TRRAP: variants seen among roughly 807,000 people sequenced by gnomAD.
The protein encoded by TRRAP is transformation/transcription domain-associated protein.
Under a neutral mutation model 438.8 loss-of-function variants are expected in TRRAP, and 41 were observed. That is an observed-to-expected ratio of 0.09 (90% CI 0.07 to 0.12). The LOEUF is 0.12. Ranked by LOEUF, TRRAP falls within the 10% of genes least tolerant of loss-of-function variation. The pLI is 1.00. For synonymous variants in TRRAP, 1,994 were observed against 1,962.9 expected (o/e 1.02, Z -0.42); for missense variants, 3,122 against 5,055.1 (o/e 0.62, Z 11.60).
chr7:98,961,204 A>G, intron 45 of TRRAP, 57 bp from the exon 46 acceptor site: 15 of 1,569,288 alleles, frequency 9.6e-6, no homozygotes, highest in Non-Finnish European at 1.2e-5. Flanking sequence ...TGTTTCTAGA[A>G]TTTGTTGTCA....
At position 98,900,624 on chromosome 7, in the gene TRRAP, G is replaced by T; in HGVS notation, c.801G>T (p.Arg267Ser). The change falls in exon 11 of 73, where the codon AGG (arginine) becomes AGT (serine). Residue 267 changes from arginine to serine, a missense_variant and splice_region_variant. Physicochemically the swap from Arg to Ser is moderately radical, Grantham distance 110. This residue lies in a region of TRRAP where 343 missense variants were observed against 564.0 expected (regional missense o/e 0.61). Coordinates refer to ENST00000456197, the MANE Select transcript of TRRAP (RefSeq NM_001375524.1). ...TIAIQVSAQA[R>S]QHKLYNKELY... ...ATATTTTTGTTCTCTTCTTATTCAG[G>T]CAACATAAGCTTTACAACAAGGAGT... 1 of 1,606,588 alleles carries T rather than the reference G, an allele frequency of 6.2e-7. No homozygotes were observed. The highest frequency in any genetic ancestry group is 8.5e-7 in the Non-Finnish European group (1 of 1,178,148).
intron 63 of TRRAP, among the ~76,000 whole-genome samples, chr7:98,989,629 C>T (rs929786108): frequency 6.6e-6 from 1 of 152,230 alleles, no homozygotes; most frequent in Admixed American, 6.5e-5. Context: ...TACACCAGCA[C>T]ATGGCAGTTA....
chr7:98,899,819 T>TA (rs781795722), intron 10 of TRRAP, 52 bp downstream of exon 10: 39 of 1,580,536 alleles, frequency 2.5e-5, no homozygotes, highest in African/African-American at 8.1e-5. Context: ...CAAGTAAAAA[T>TA]ACACTTGCTG....
chr7:98,978,290 C>T lies in TRRAP; in HGVS notation c.8465C>T (p.Pro2822Leu). The T allele has an allele frequency of 6.2e-7, 1 of 1,614,162 alleles. No individual in the cohort carries two copies. The highest frequency in any genetic ancestry group is 8.5e-7 in the Non-Finnish European group (1 of 1,180,030). The change falls in exon 57 of 73, where the codon CCT (proline) becomes CTT (leucine). Residue 2822 changes from proline (P) to leucine (L), a missense_variant. Coordinates refer to ENST00000456197, the MANE Select transcript of TRRAP (RefSeq NM_001375524.1). ...AGTAACGCCTCCCCTGCTATTTTCC[C>T]TGAATACCAGCTCTGGGAAGACCAC... ...ERSNASPAIF[P>L]EYQLWEDHWI...
Position 98,949,503 on chromosome 7 carries a change from G to T in TRRAP, c.4875G>T (p.Gly1625=), listed in dbSNP as rs1562955642. Residue 1625 remains glycine (G), a synonymous_variant, in exon 36 of 73, where the codon GGG becomes GGT. Coordinates refer to ENST00000456197, the MANE Select transcript of TRRAP (RefSeq NM_001375524.1). ...GGTTCATCACCCTGCTGCTGCCGGGGGGTGCCCAGACGGCTGTGCGCCCCG... is the reference window on the plus strand; with the variant it reads ...GGTTCATCACCCTGCTGCTGCCGGGTGGTGCCCAGACGGCTGTGCGCCCCG... ...PNRFITLLLP[G]GAQTAVRPGS... The T allele has an allele frequency of 1.9e-6, 3 of 1,610,812 alleles. No individual in the cohort carries two copies. The highest frequency in any genetic ancestry group is 1.7e-6 in the Non-Finnish European group (2 of 1,178,704).
chr7:99,010,772 C>T (rs1373476181), intron 70 of TRRAP, among the ~76,000 whole-genome samples: 1 of 152,160 alleles, frequency 6.6e-6, no homozygotes, highest in African/African-American at 2.4e-5. Flanking sequence ...AGATATTTAC[C>T]TGCATTCTTG....
Position 98,994,974 on chromosome 7 carries a change from CTG to C in TRRAP, c.10309+128_10309+129del, listed in dbSNP as rs1187288474. Reference sequence around the variant, plus strand: ...CTGCACGGGGCACACTGGTTACACTCTGTTTACAGTGCAGACTTCAGAGTGCA... The same window carrying C: ...CTGCACGGGGCACACTGGTTACACTCTTTACAGTGCAGACTTCAGAGTGCA... On this transcript the variant is annotated intron_variant, in intron 67 of 72. Coordinates refer to ENST00000456197, the MANE Select transcript of TRRAP (RefSeq NM_001375524.1). This position sits in a 1 kb window ranked among gnomAD's most constrained non-coding sequence, Gnocchi z 4.8. 1.5e-6 allele frequency: 2 copies of C among 1,352,296 alleles called. No homozygotes were observed. Among genetic ancestry groups the C allele is most frequent in the African/African-American group, 1.4e-5 (1 of 69,114 alleles). The allele number at this position is 1,352,296 out of a possible 1,614,324, so 83.8% of individuals were successfully genotyped here.
At chr7:99,002,547 G>A (rs1793977862) in intron 67 of TRRAP, among the ~76,000 whole-genome samples, 1 of 152,200 alleles carries the variant, frequency 6.6e-6, no homozygotes, top group Non-Finnish European at 1.5e-5. Context: ...GAACAATGAG[G>A]TGGCCTGCGT....
intron 20 of TRRAP, among the ~76,000 whole-genome samples, chr7:98,918,388 G>A (rs1166011531): frequency 1.3e-5 from 2 of 151,806 alleles, no homozygotes; most frequent in African/African-American, 4.8e-5. Context: ...GTACCACCAT[G>A]CCTGGCTAAT....
intron 19 of TRRAP, among the ~76,000 whole-genome samples, chr7:98,916,170 A>C (rs1194704750): frequency 6.6e-6 from 1 of 151,616 alleles, no homozygotes; most frequent in Non-Finnish European, 1.5e-5. Flanking sequence ...TTGCATTTTT[A>C]TAGTGTTTGG....
intron 21 of TRRAP, among the ~76,000 whole-genome samples, chr7:98,923,217 A>G (rs1789879188): frequency 6.6e-6 from 1 of 152,204 alleles, no homozygotes; most frequent in African/African-American, 2.4e-5. Flanking sequence ...CTGTATAGAC[A>G]AAAAGCTCCC....
intron 49 of TRRAP, among the ~76,000 whole-genome samples, chr7:98,966,540 T>G (rs1178902348): frequency 1.3e-5 from 2 of 151,906 alleles, no homozygotes; most frequent in African/African-American, 4.8e-5. Context: ...CAAAAATTAG[T>G]CAGGTATGGT....
At chr7:98,962,848 G>A (rs983995044) in intron 47 of TRRAP, among the ~76,000 whole-genome samples, 13 of 152,280 alleles carry the variant, frequency 8.5e-5, no homozygotes, top group African/African-American at 1.2e-4. Flanking sequence ...CAGGTGAGAC[G>A]GAAACTGCCT....
intron 6 of TRRAP, 40 bp downstream of exon 6, chr7:98,893,921 T>A: frequency 6.3e-7 from 1 of 1,583,852 alleles, no homozygotes; most frequent in South Asian, 1.2e-5. Context: ...ATAAAGTGTG[T>A]CAACATGTTC....
intron 21 of TRRAP, among the ~76,000 whole-genome samples, chr7:98,924,358 A>G (rs1584317475): frequency 6.6e-6 from 1 of 152,214 alleles, no homozygotes; most frequent in African/African-American, 2.4e-5. Context: ...GCTGTATTGT[A>G]TTAAAGCTGT....
intron 30 of TRRAP, among the ~76,000 whole-genome samples, chr7:98,939,363 A>T (rs1176150456): frequency 6.6e-6 from 1 of 152,194 alleles, no homozygotes; most frequent in African/African-American, 2.4e-5. Context: ...GCACAGATAC[A>T]TTGTATTTAT....
At chr7:99,008,227 G>T in intron 69 of TRRAP, 150 bp from the exon 70 acceptor site, 2 of 730,230 alleles carry the variant, frequency 2.7e-6, no homozygotes, top group Non-Finnish European at 4.6e-6. Flanking sequence ...TGAGCAAATG[G>T]ATGGTGCATG....
intron 51 of TRRAP, among the ~76,000 whole-genome samples, chr7:98,968,664 A>G (rs569766155): frequency 3.3e-5 from 5 of 152,274 alleles, no homozygotes; most frequent in Admixed American, 6.5e-5. Flanking sequence ...ACCACGTACT[A>G]TGTCTCCTGA....
At chr7:98,941,698 G>T (rs1288330031) in intron 30 of TRRAP, among the ~76,000 whole-genome samples, 3 of 152,142 alleles carry the variant, frequency 2.0e-5, no homozygotes, top group Non-Finnish European at 4.4e-5. Flanking sequence ...AGGGAATGTT[G>T]TTGGTAAAAT....
Sources: allele counts gnomAD v4.1 joint callset (sites outside exome capture counted in the v4.1 genomes callset), GRCh38; gene constraint gnomAD v4.1.1; regional missense constraint gnomAD v4.1.1; non-coding constraint Gnocchi (gnomAD v3.1); transcripts MANE v1.5; gene names NCBI Gene and HGNC (gene_info 2026-07-23, HGNC 2026-07-21).